The following FHIT variants were observed in gnomAD, a reference collection of about 807,000 sequenced individuals.
FHIT encodes fragile histidine triad diadenosine triphosphatase.
Under a neutral mutation model 17.9 loss-of-function variants are expected in FHIT, and 19 were observed. That is an observed-to-expected ratio of 1.06 (90% CI 0.74 to 1.56). The LOEUF is 1.56. FHIT is among the 40% of genes most tolerant of loss of function. The pLI is 0.00. For missense variants in FHIT, 248 were observed against 189.2 expected (o/e 1.31, Z -1.82); for synonymous variants, 81 against 69.7 (o/e 1.16, Z -0.81).
At chr3:60,993,601 GAAATC>G (rs1457939908) in intron 3 of FHIT, among the ~76,000 whole-genome samples, 5 of 152,122 alleles carry the variant, frequency 3.3e-5, no homozygotes, top group Non-Finnish European at 5.9e-5. Context: ...ATATTCCTAT[GAAATC>G]ATATCCTAAC....
chr3:60,873,573 A>C (rs1553755569), intron 3 of FHIT, among the ~76,000 whole-genome samples: 1 of 152,164 alleles, frequency 6.6e-6, no homozygotes, highest in African/African-American at 2.4e-5. Flanking sequence ...CAAACCAACA[A>C]ACCATCCAAG....
At chr3:60,438,326 C>T (rs1309483317) in intron 5 of FHIT, among the ~76,000 whole-genome samples, 1 of 152,096 alleles carries the variant, frequency 6.6e-6, no homozygotes. Context: ...TGTACAGCTA[C>T]TGCACATGTG....
intron 7 of FHIT, among the ~76,000 whole-genome samples, chr3:59,999,362 T>C (rs1699639489): frequency 6.6e-6 from 1 of 152,096 alleles, no homozygotes; most frequent in Non-Finnish European, 1.5e-5. Context: ...TACCGTGTGG[T>C]CACGCACTAG....
At chr3:60,645,892 T>G (rs2039845160) in intron 4 of FHIT, among the ~76,000 whole-genome samples, 1 of 152,154 alleles carries the variant, frequency 6.6e-6, no homozygotes, top group Non-Finnish European at 1.5e-5. Context: ...AAGCTTACCT[T>G]GAGAATTTTT....
intron 5 of FHIT, among the ~76,000 whole-genome samples, chr3:60,381,680 A>G (rs914975830): frequency 6.6e-6 from 1 of 152,176 alleles, no homozygotes; most frequent in African/African-American, 2.4e-5. Context: ...GCTTCTGTAA[A>G]TCAGGCTTTC....
chr3:60,701,914 G>A (rs986277801), intron 4 of FHIT, among the ~76,000 whole-genome samples: 1 of 152,196 alleles, frequency 6.6e-6, no homozygotes, highest in Non-Finnish European at 1.5e-5. Flanking sequence ...GAATGAACAA[G>A]GAAAGCTTGG....
chr3:60,406,347 T>C (rs1405458468), intron 5 of FHIT, among the ~76,000 whole-genome samples: 1 of 152,202 alleles, frequency 6.6e-6, no homozygotes, highest in Non-Finnish European at 1.5e-5. Context: ...CAATCTTACA[T>C]GCAAACTCAA....
chr3:61,030,413 A>T (rs1454093084), intron 3 of FHIT, among the ~76,000 whole-genome samples: 2 of 152,250 alleles, frequency 1.3e-5, no homozygotes, highest in African/African-American at 4.8e-5. Flanking sequence ...GCCAAATGTG[A>T]CTATTAACAT....
intron 5 of FHIT, among the ~76,000 whole-genome samples, chr3:60,439,093 T>C (rs2107321621): frequency 6.6e-6 from 1 of 152,258 alleles, no homozygotes; most frequent in South Asian, 2.1e-4. Flanking sequence ...GTGAGAAAGA[T>C]GATTACAAAA....
chr3:60,804,806 T>G (rs1575546632), intron 4 of FHIT, among the ~76,000 whole-genome samples: 2 of 152,192 alleles, frequency 1.3e-5, no homozygotes, highest in Admixed American at 1.3e-4. Context: ...TGACTAAATC[T>G]CATCATCCTC....
chr3:60,721,253 T>C (rs782254874), intron 4 of FHIT, among the ~76,000 whole-genome samples: 11 of 152,158 alleles, frequency 7.2e-5, no homozygotes, highest in Non-Finnish European at 1.6e-4. Flanking sequence ...CACACTGTAC[T>C]TCAAAGGCCT....
intron 5 of FHIT, among the ~76,000 whole-genome samples, chr3:60,206,768 A>ATG (rs34922025): frequency 0.14 from 20,693 of 151,998 alleles, 1,794 homozygotes; most frequent in East Asian, 0.23. Flanking sequence ...ACATTGCTGA[A>ATG]TGTGTGTGTG....
At position 60,699,854 on chromosome 3, in the gene FHIT, C is replaced by T. The variant is rs868985146; in HGVS notation, c.-18+122065G>A. On this transcript the variant is annotated intron_variant, in intron 4 of 9. Coordinates refer to ENST00000492590, the MANE Select transcript of FHIT (RefSeq NM_002012.4). ...CAGCATAACAAATTAAACAAAAATG[C>T]ACACATACGCCAGGTACAGTGGTTC... 2.0e-5 allele frequency among the ~76,000 whole-genome samples: 3 copies of T among 151,762 alleles called. No individual in the cohort carries two copies. In the South Asian group the frequency reaches 6.2e-4, roughly 32 times the overall value.
chr3:60,046,409 G>T (rs1701654914), intron 5 of FHIT, among the ~76,000 whole-genome samples: 1 of 152,210 alleles, frequency 6.6e-6, no homozygotes, highest in South Asian at 2.1e-4. Context: ...TGTGCTGGCT[G>T]GGCTGCCATC....
chr3:60,744,492 C>T (rs1373525866), intron 4 of FHIT, among the ~76,000 whole-genome samples: 1 of 152,114 alleles, frequency 6.6e-6, no homozygotes, highest in African/African-American at 2.4e-5. Flanking sequence ...TGACAAGTCC[C>T]TCAAAAACAG....
intron 5 of FHIT, among the ~76,000 whole-genome samples, chr3:60,435,846 TC>T (rs1478426651): frequency 1.3e-5 from 2 of 151,990 alleles, no homozygotes; most frequent in East Asian, 3.9e-4. Context: ...TGTGTGTTGT[TC>T]CCCTCTATGT....
intron 5 of FHIT, among the ~76,000 whole-genome samples, chr3:60,140,870 G>A (rs939086459): frequency 9.9e-5 from 15 of 152,064 alleles, no homozygotes; most frequent in South Asian, 2.1e-4. Context: ...GAGCCAATGC[G>A]CCCAGCCGGG....
intron 7 of FHIT, among the ~76,000 whole-genome samples, chr3:59,958,153 A>G (rs1439339534): frequency 1.3e-5 from 2 of 152,234 alleles, no homozygotes; most frequent in Non-Finnish European, 2.9e-5. Context: ...TGGAACATGT[A>G]TCTGTCACTG....
intron 5 of FHIT, among the ~76,000 whole-genome samples, chr3:60,203,197 G>C (rs1191246912): frequency 6.6e-6 from 1 of 151,948 alleles, no homozygotes; most frequent in Non-Finnish European, 1.5e-5. Context: ...TTGCATTTTT[G>C]CAACTCCTGT....
Sources: allele counts gnomAD v4.1 joint callset (sites outside exome capture counted in the v4.1 genomes callset), GRCh38; gene constraint gnomAD v4.1.1; transcripts MANE v1.5; gene names NCBI Gene and HGNC (gene_info 2026-07-23, HGNC 2026-07-21).